The following TMPRSS11E variants were observed in gnomAD, a reference collection of about 807,000 sequenced individuals.
The protein encoded by TMPRSS11E is transmembrane protease serine 11E.
In TMPRSS11E, 38 loss-of-function variants were observed where a neutral mutation model predicts 48.1. The observed-to-expected ratio is 0.79, with a 90% confidence interval of 0.61 to 1.04. The LOEUF is 1.04. TMPRSS11E is among the 50% of genes least tolerant of loss of function. The pLI is 0.00. For synonymous variants in TMPRSS11E, 158 were observed against 171.9 expected (o/e 0.92, Z 0.63); for missense variants, 530 against 510.8 (o/e 1.04, Z -0.36).
At chr4:68,459,630 A>G (rs1728734127) in intron 1 of TMPRSS11E, among the ~76,000 whole-genome samples, 1 of 152,210 alleles carries the variant, frequency 6.6e-6, no homozygotes, top group African/African-American at 2.4e-5. Flanking sequence ...TACTTCATCA[A>G]TAGAATGGCT....
intron 9 of TMPRSS11E, among the ~76,000 whole-genome samples, chr4:68,490,868 C>T (rs1729698854): frequency 6.8e-6 from 1 of 146,342 alleles, no homozygotes; most frequent in African/African-American, 2.6e-5. Context: ...CAGCAATTCT[C>T]CTGCCTCAGC....
chr4:68,471,737 A>G (rs1729077423), intron 5 of TMPRSS11E, 114 bp downstream of exon 5: 1 of 681,672 alleles, frequency 1.5e-6, no homozygotes, highest in Admixed American at 3.4e-5. Flanking sequence ...CTTGCCACCA[A>G]CAGTATATTT....
At chr4:68,466,789 T>C in intron 3 of TMPRSS11E, 37 bp downstream of exon 3, 1 of 1,611,382 alleles carries the variant, frequency 6.2e-7, no homozygotes, top group Non-Finnish European at 8.5e-7. Flanking sequence ...TGCATTTGCT[T>C]TCACTTTTTA....
intron 6 of TMPRSS11E, among the ~76,000 whole-genome samples, chr4:68,475,457 C>T (rs1296683308): frequency 6.6e-6 from 1 of 152,054 alleles, no homozygotes; most frequent in African/African-American, 2.4e-5. Flanking sequence ...TGGTTAATTT[C>T]TAAAATCAAC....
intron 5 of TMPRSS11E, 74 bp downstream of exon 5, chr4:68,471,697 AT>A (rs1729076731): frequency 1.4e-4 from 170 of 1,214,104 alleles, no homozygotes; most frequent in South Asian, 4.4e-4. Flanking sequence ...TTATTAAAAA[AT>A]TTTTTTTGAT....
chr4:68,488,172 G>T (rs913567192), intron 9 of TMPRSS11E, among the ~76,000 whole-genome samples: 6 of 152,016 alleles, frequency 3.9e-5, no homozygotes, highest in African/African-American at 1.2e-4. Context: ...TATCTCTGGG[G>T]TTCTCTGAAT....
chr4:68,478,148 TC>T (rs1553916580), intron 8 of TMPRSS11E, among the ~76,000 whole-genome samples: 1,028 of 28,456 alleles, frequency 0.036, 7 homozygotes, highest in Non-Finnish European at 0.052. Flanking sequence ...TGTATCACTA[TC>T]TTTTTTTTTT....
intron 9 of TMPRSS11E, among the ~76,000 whole-genome samples, chr4:68,481,671 C>T (rs1047242406): frequency 1.9e-4 from 29 of 152,168 alleles, no homozygotes; most frequent in African/African-American, 6.5e-4. Flanking sequence ...ATACCTGGGT[C>T]GGGAATGGTG....
intron 6 of TMPRSS11E, among the ~76,000 whole-genome samples, chr4:68,475,314 T>G (rs192828225): frequency 1.2e-4 from 19 of 152,222 alleles, no homozygotes; most frequent in African/African-American, 4.3e-4. Flanking sequence ...AGTCTAGGCC[T>G]AGCATTTTTC....
At chr4:68,468,451 C>G (rs1728979698) in intron 3 of TMPRSS11E, among the ~76,000 whole-genome samples, 1 of 152,074 alleles carries the variant, frequency 6.6e-6, no homozygotes, top group Non-Finnish European at 1.5e-5. Flanking sequence ...AACTTTGTCA[C>G]TAGGTTTGGG....
At chr4:68,453,925 A>G (rs1728561024) in intron 1 of TMPRSS11E, among the ~76,000 whole-genome samples, 1 of 151,868 alleles carries the variant, frequency 6.6e-6, no homozygotes, top group Non-Finnish European at 1.5e-5. Context: ...CCATGCTTCA[A>G]CTAGCACATA....
intron 9 of TMPRSS11E, among the ~76,000 whole-genome samples, chr4:68,489,809 A>G (rs34580149): frequency 0.058 from 8,854 of 152,318 alleles, 324 homozygotes; most frequent in South Asian, 0.1. Flanking sequence ...GATTGTTCCC[A>G]TCCCACAAGC....
chr4:68,467,176 C>T (rs890853677), intron 3 of TMPRSS11E, among the ~76,000 whole-genome samples: 4 of 152,052 alleles, frequency 2.6e-5, no homozygotes, highest in African/African-American at 9.7e-5. Flanking sequence ...AATATCTAAC[C>T]TTCAACCAGC....
intron 9 of TMPRSS11E, among the ~76,000 whole-genome samples, chr4:68,482,590 CAAAAAAAAAAAAAAAAAAAAAAAA>C (rs371144994): frequency 9.4e-6 from 1 of 106,056 alleles, no homozygotes; most frequent in Non-Finnish European, 1.8e-5. Flanking sequence ...TGCATCTCCA[CAAAAAAAAAAAAAAAAAAAAAAAA>C]AAAAAAAATT....
At chr4:68,470,697 G>C (rs529856065) in intron 4 of TMPRSS11E, among the ~76,000 whole-genome samples, 50 of 151,930 alleles carry the variant, frequency 3.3e-4, no homozygotes, top group African/African-American at 1.2e-3. Flanking sequence ...ATAGTGAAGA[G>C]TTAGATTCAG....
intron 9 of TMPRSS11E, among the ~76,000 whole-genome samples, chr4:68,481,627 C>T (rs1275323864): frequency 6.6e-6 from 1 of 152,082 alleles, no homozygotes; most frequent in Non-Finnish European, 1.5e-5. Flanking sequence ...CTGTTCCTGT[C>T]TGTATTAGGC....
chr4:68,496,402 T>C (rs1012238041), intron 9 of TMPRSS11E, among the ~76,000 whole-genome samples: 2 of 152,086 alleles, frequency 1.3e-5, no homozygotes, highest in Non-Finnish European at 2.9e-5. Context: ...TTCAATCTCA[T>C]TGTTTTGAAG....
intron 9 of TMPRSS11E, among the ~76,000 whole-genome samples, chr4:68,487,950 A>T (rs1729607874): frequency 6.6e-6 from 1 of 151,022 alleles, no homozygotes; most frequent in Admixed American, 6.6e-5. Flanking sequence ...TCAAAAAAAA[A>T]AAAAAAAAAA....
At chr4:68,484,361 C>T (rs1193714374) in intron 9 of TMPRSS11E, among the ~76,000 whole-genome samples, 1 of 152,084 alleles carries the variant, frequency 6.6e-6, no homozygotes, top group Non-Finnish European at 1.5e-5. Flanking sequence ...GGCTGGAGTG[C>T]AGTGCCACAA....
Sources: allele counts gnomAD v4.1 joint callset (sites outside exome capture counted in the v4.1 genomes callset), GRCh38; gene constraint gnomAD v4.1.1; transcripts MANE v1.5; gene names NCBI Gene and HGNC (gene_info 2026-07-23, HGNC 2026-07-21).